Variants in EVI5 observed in about 807,000 individuals in gnomAD.
The protein encoded by EVI5 is ecotropic viral integration site 5.
EVI5 carries 73 observed loss-of-function variants against 112.0 expected under a neutral mutation model. The observed-to-expected ratio is 0.65, with a 90% CI of 0.54 to 0.79. The LOEUF (loss-of-function observed/expected upper bound fraction) is 0.79, where lower values mean the gene tolerates loss of function less well. Ranked by LOEUF, EVI5 falls within the 30% of genes least tolerant of loss-of-function variation. EVI5 has a pLI of 0.00. For synonymous variants in EVI5, 305 were observed against 319.9 expected (o/e 0.95, Z 0.50); for missense variants, 900 against 968.8 (o/e 0.93, Z 0.94).
rs143727844 is a variant in EVI5 at position 92,613,168 on chromosome 1, C to T, written c.1828-5441G>A. ...GGGGCACTGGTGAAAGCCATTGCATCTTGGGGAAGGGGCAGAACTGCGTTT... is the reference window on the plus strand; with the variant it reads ...GGGGCACTGGTGAAAGCCATTGCATTTTGGGGAAGGGGCAGAACTGCGTTT... On this transcript the variant is annotated intron_variant, in intron 16 of 19. Coordinates refer to ENST00000684568, the MANE Select transcript of EVI5 (RefSeq NM_001350197.2). Among the ~76,000 whole-genome samples, 49 of 152,276 alleles carry T rather than the reference C, an allele frequency of 3.2e-4. No individual in the cohort carries two copies. The East Asian group carries it at 9.3e-3, about 29-fold the overall frequency.
upstream of EVI5, among the ~76,000 whole-genome samples, chr1:92,788,501 CA>C (rs200308636): frequency 5.5e-5 from 8 of 144,600 alleles, no homozygotes; most frequent in South Asian, 2.2e-4. Context: ...CAAAACAAAA[CA>C]AAAAAAAAAC....
intron 19 of EVI5, among the ~76,000 whole-genome samples, chr1:92,516,434 G>A (rs1044548155): frequency 6.6e-6 from 1 of 152,184 alleles, no homozygotes; most frequent in African/African-American, 2.4e-5. Flanking sequence ...ATTGAGAGCT[G>A]TTAATATGGA....
chr1:92,789,083 GT>G (rs1403815280), upstream of EVI5, among the ~76,000 whole-genome samples: 2 of 152,088 alleles, frequency 1.3e-5, no homozygotes, highest in Non-Finnish European at 2.9e-5. Flanking sequence ...GCCAGAAGTG[GT>G]TAAACATTAG....
At chr1:92,642,943 A>T (rs1475959915) in intron 13 of EVI5, among the ~76,000 whole-genome samples, 1 of 152,260 alleles carries the variant, frequency 6.6e-6, no homozygotes, top group Non-Finnish European at 1.5e-5. Context: ...TAAGACCAAG[A>T]ACAGCTGGAT....
chr1:92,696,412 A>C (rs940895420), intron 6 of EVI5, among the ~76,000 whole-genome samples: 10 of 151,870 alleles, frequency 6.6e-5, no homozygotes, highest in African/African-American at 2.4e-4. Context: ...TCAGGAGTTC[A>C]ACACCAACCT....
At chr1:92,564,578 T>A (rs1038462051) in intron 18 of EVI5, among the ~76,000 whole-genome samples, 1 of 152,208 alleles carries the variant, frequency 6.6e-6, no homozygotes, top group Non-Finnish European at 1.5e-5. Context: ...AAGAGTTTGT[T>A]TCAGGTGAGC....
intron 19 of EVI5, among the ~76,000 whole-genome samples, chr1:92,562,926 T>G (rs1352566913): frequency 6.6e-6 from 1 of 152,196 alleles, no homozygotes; most frequent in Non-Finnish European, 1.5e-5. Context: ...GAATAAACAT[T>G]ATTTTATAAA....
intron 4 of EVI5, 92 bp from the exon 5 acceptor site, chr1:92,702,307 A>G: frequency 1.6e-6 from 1 of 635,446 alleles, no homozygotes; most frequent in Non-Finnish European, 2.8e-6. Context: ...ACAGATTAAA[A>G]AACATTTATT....
intron 16 of EVI5, among the ~76,000 whole-genome samples, chr1:92,609,484 A>G (rs888699243): frequency 7.2e-5 from 11 of 151,994 alleles, no homozygotes. Flanking sequence ...CAGCCTCCCA[A>G]GTAGCTGGGA....
At chr1:92,593,826 T>A (rs1374042027) in intron 18 of EVI5, among the ~76,000 whole-genome samples, 3 of 152,074 alleles carry the variant, frequency 2.0e-5, no homozygotes, top group Admixed American at 6.6e-5. Flanking sequence ...CGCAATTGCT[T>A]CAAAGAGAAT....
intron 19 of EVI5, among the ~76,000 whole-genome samples, chr1:92,549,734 A>G (rs1209073289): frequency 6.6e-6 from 1 of 152,276 alleles, no homozygotes; most frequent in Admixed American, 6.5e-5. Context: ...TGCAGCCAAC[A>G]GACACATGAA....
chr1:92,625,828 C>A lies in EVI5; in HGVS notation c.1634G>T (p.Arg545Ile), dbSNP rs565226429. Residue 545 changes from arginine (R) to isoleucine (I), a missense_variant, in exon 15 of 20, where the codon AGA (arginine) becomes ATA (isoleucine). Coordinates refer to ENST00000684568, the MANE Select transcript of EVI5 (RefSeq NM_001350197.2). The part of the protein sequence containing the change: ...AEAIMGLKEL[R>I]QQVKDLEEHW... ...TTCCTCTAAATCCTTGACTTGCTGT[C>A]TAAGTTCTTTCAAACCCATAATGGC... 14 of 1,613,256 alleles carry A rather than the reference C, an allele frequency of 8.7e-6. No individual in the cohort carries two copies. The highest frequency in any genetic ancestry group is 3.3e-5 in the Admixed American group (2 of 59,988).
intron 10 of EVI5, among the ~76,000 whole-genome samples, chr1:92,676,848 T>C (rs1666827206): frequency 6.6e-6 from 1 of 152,182 alleles, no homozygotes; most frequent in African/African-American, 2.4e-5. Flanking sequence ...GAAAGTGTTA[T>C]TATAGATTGT....
At chr1:92,715,970 G>A (rs891768007) in intron 2 of EVI5, among the ~76,000 whole-genome samples, 1 of 152,118 alleles carries the variant, frequency 6.6e-6, no homozygotes, top group Non-Finnish European at 1.5e-5. Flanking sequence ...GCTCAAACTT[G>A]TCGGAGCCCA....
chr1:92,546,553 G>A lies in EVI5; in HGVS notation c.2166+17089C>T, dbSNP rs116611588. Among the ~76,000 whole-genome samples the A allele has an allele frequency of 4.5e-3, 680 of 152,054 alleles. 9 individuals are homozygous for A. The highest frequency in any genetic ancestry group is 0.015 in the African/African-American group (642 of 41,482). On this transcript the variant is annotated intron_variant, in intron 19 of 19. Transcript: ENST00000684568. ...CTCTACTAAAAATATAAAATTAACC[G>A]GGCATGGTGGCACACGCATGTAATA...
intron 1 of EVI5, among the ~76,000 whole-genome samples, chr1:92,748,786 G>A (rs920178236): frequency 1.3e-5 from 2 of 152,024 alleles, no homozygotes; most frequent in African/African-American, 4.8e-5. Context: ...ATACATATTG[G>A]CCAGTCACGG....
At chr1:92,556,574 A>G (rs1667713812) in intron 19 of EVI5, among the ~76,000 whole-genome samples, 1 of 152,194 alleles carries the variant, frequency 6.6e-6, no homozygotes, top group Non-Finnish European at 1.5e-5. Context: ...TCAGTTTCCA[A>G]GAACCTACTG....
chr1:92,681,039 C>G (rs1177379683), intron 9 of EVI5, among the ~76,000 whole-genome samples: 3 of 152,120 alleles, frequency 2.0e-5, no homozygotes, highest in Non-Finnish European at 1.5e-5. Flanking sequence ...ATATATACAG[C>G]ATATATTGGT....
At chr1:92,675,312 T>C (rs1323596264) in intron 10 of EVI5, among the ~76,000 whole-genome samples, 1 of 152,068 alleles carries the variant, frequency 6.6e-6, no homozygotes, top group Non-Finnish European at 1.5e-5. Flanking sequence ...GCCACTGAAC[T>C]CCAGCTTGAG....
Sources: gnomAD v4.1 joint callset for allele counts (sites outside exome capture counted in the v4.1 genomes callset) on GRCh38, gnomAD v4.1.1 for gene constraint, MANE v1.5 for transcripts, NCBI Gene and HGNC (gene_info 2026-07-23, HGNC 2026-07-21) for gene names.